The following PREP variants were observed in gnomAD, a reference collection of about 807,000 sequenced individuals.
PREP encodes the protein dJ355L5.1 (prolyl endopeptidase).
PREP carries 29 observed loss-of-function variants against 87.6 expected under a neutral mutation model. That is an observed-to-expected ratio of 0.33 (90% confidence interval 0.25 to 0.45). The LOEUF (loss-of-function observed/expected upper bound fraction) is 0.45, where lower values mean the gene tolerates loss of function less well. Ranked by LOEUF, PREP falls within the 20% of genes least tolerant of loss-of-function variation. The probability of loss-of-function intolerance (pLI) is 1.00; values close to 1 mark genes in which losing one functional copy is unlikely to be tolerated. For missense variants in PREP, 695 were observed against 886.5 expected, an observed-to-expected ratio of 0.78 and a Z score of 2.74; for synonymous variants, 337 against 328.6, an observed-to-expected ratio of 1.03 and a Z score of -0.28.
chr6:105,292,294 C>G (rs1187348303), intron 10 of PREP, among the ~76,000 whole-genome samples: 1 of 152,140 alleles, frequency 6.6e-6, no homozygotes, highest in East Asian at 1.9e-4. Context: ...AATAATAAGA[C>G]TTGAAAGCCA....
intron 6 of PREP, among the ~76,000 whole-genome samples, chr6:105,364,371 CA>C (rs1772329379): frequency 6.6e-6 from 1 of 152,130 alleles, no homozygotes; most frequent in Non-Finnish European, 1.5e-5. Flanking sequence ...CTGATCAAGG[CA>C]AGACAGACCT....
In PREP at chr6:105,402,951, T is replaced by G; in HGVS notation, c.-60A>C. 9.8e-7 allele frequency: 1 copy of G among 1,024,464 alleles called. No individual in the cohort carries two copies. Among genetic ancestry groups the G allele is most frequent in the East Asian group, 3.4e-5 (1 of 29,822 alleles). The allele number at this position is 1,024,464 out of a possible 1,614,324, so 63.5% of individuals were successfully genotyped here. A position where few individuals can be genotyped will look rare whatever the true frequency, so the allele number is the denominator to read the frequency against. On this transcript the variant is annotated 5_prime_UTR_variant, in exon 1 of 15. Coordinates refer to ENST00000652536, the MANE Select transcript of PREP (RefSeq NM_002726.5). ...GCGGGCTCCGGGAGCGGACCTGAGC[T>G]AGCCGGGCTGGCCGCGAGGCGCGGC...
intron 7 of PREP, among the ~76,000 whole-genome samples, chr6:105,342,102 T>C (rs1771670877): frequency 6.6e-6 from 1 of 152,208 alleles, no homozygotes; most frequent in East Asian, 1.9e-4. Context: ...TTTAGACCAA[T>C]ATCCCTGATG....
rs1057000326 is a variant in PREP at position 105,275,062 on chromosome 6, A to G, written c.*3082T>C. The stretch of plus-strand genomic sequence containing the variant: ...AGATATGGAGGATGAGAATGGCTCA[A>G]TGTTCCTCCTTCAAGGGCCTCAGTC... On this transcript the variant is annotated 3_prime_UTR_variant, in exon 15 of 15. Transcript: ENST00000652536. 6.6e-6 allele frequency among the ~76,000 whole-genome samples: 1 copy of G among 152,128 alleles called. No individual in the cohort carries two copies. The highest frequency in any genetic ancestry group is 2.1e-4 in the South Asian group (1 of 4,814).
At chr6:105,299,772 G>A (rs760636141) in intron 10 of PREP, among the ~76,000 whole-genome samples, 2 of 152,184 alleles carry the variant, frequency 1.3e-5, no homozygotes, top group Non-Finnish European at 2.9e-5. Context: ...TGTTGAAAGT[G>A]TTAGAGCCTT....
At chr6:105,367,615 T>G (rs1047949493) in intron 6 of PREP, among the ~76,000 whole-genome samples, 85 of 143,700 alleles carry the variant, frequency 5.9e-4, no homozygotes, top group African/African-American at 2.1e-3. Context: ...GAGCTTGCAG[T>G]GAGCCGAGAT....
At chr6:105,359,029 T>C (rs1335526597) in intron 6 of PREP, among the ~76,000 whole-genome samples, 2 of 152,096 alleles carry the variant, frequency 1.3e-5, no homozygotes, top group African/African-American at 4.8e-5. Context: ...CAACTTCCTG[T>C]CCCCAGCCAA....
chr6:105,283,529 T>A (rs1770125152), intron 12 of PREP, among the ~76,000 whole-genome samples: 1 of 152,208 alleles, frequency 6.6e-6, no homozygotes, highest in Non-Finnish European at 1.5e-5. Context: ...ACAAATGTTA[T>A]TAAGATTTCA....
At chr6:105,356,528 T>C (rs76487472) in intron 6 of PREP, among the ~76,000 whole-genome samples, 10,927 of 152,272 alleles carry the variant, frequency 0.072, 425 homozygotes, top group South Asian at 0.15. Flanking sequence ...TTCCCTCCTT[T>C]TGTTATTCTG....
intron 8 of PREP, among the ~76,000 whole-genome samples, chr6:105,333,103 A>C (rs1440212371): frequency 1.3e-5 from 2 of 152,242 alleles, no homozygotes; most frequent in Non-Finnish European, 2.9e-5. Flanking sequence ...ATTTTTATGA[A>C]GACCTTGCAT....
At chr6:105,363,734 A>G (rs973245441) in intron 6 of PREP, among the ~76,000 whole-genome samples, 5 of 152,186 alleles carry the variant, frequency 3.3e-5, no homozygotes, top group Admixed American at 6.5e-5. Flanking sequence ...CCAGGAAGAC[A>G]GCTGGCCTTG....
At chr6:105,280,213 G>C (rs1254630482) in intron 14 of PREP, among the ~76,000 whole-genome samples, 2 of 152,170 alleles carry the variant, frequency 1.3e-5, no homozygotes, top group Non-Finnish European at 2.9e-5. Context: ...TGAGAACTGA[G>C]AACTGCTTGT....
chr6:105,389,403 T>C (rs1773082936), intron 2 of PREP, among the ~76,000 whole-genome samples: 1 of 152,150 alleles, frequency 6.6e-6, no homozygotes, highest in African/African-American at 2.4e-5. Context: ...CAGCAAATAC[T>C]TCATTCCTCC....
chr6:105,275,886 C>T lies in PREP; in HGVS notation c.*2258G>A, dbSNP rs1769921728. Among the ~76,000 whole-genome samples the T allele has an allele frequency of 6.6e-6, 1 of 152,056 alleles. No homozygotes were observed. The highest frequency in any genetic ancestry group is 1.5e-5 in the Non-Finnish European group (1 of 68,018). On this transcript the variant is annotated 3_prime_UTR_variant, in exon 15 of 15. Coordinates refer to ENST00000652536, the MANE Select transcript of PREP (RefSeq NM_002726.5). Reference sequence around the variant, plus strand: ...CTCATGTGGGAGCTAAAAAAGCAGGCAGAGAAAGGGAGGATGAAGAGATTA... The same window carrying T: ...CTCATGTGGGAGCTAAAAAAGCAGGTAGAGAAAGGGAGGATGAAGAGATTA...
At chr6:105,380,742 T>C (rs1772814579) in intron 2 of PREP, among the ~76,000 whole-genome samples, 1 of 149,886 alleles carries the variant, frequency 6.7e-6, no homozygotes, top group African/African-American at 2.5e-5. Flanking sequence ...GCTGAGGGTC[T>C]TGGCTGGCTC....
chr6:105,389,294 A>G (rs1773080608), intron 2 of PREP, among the ~76,000 whole-genome samples: 1 of 152,206 alleles, frequency 6.6e-6, no homozygotes, highest in Admixed American at 6.5e-5. Flanking sequence ...TTATAGATGA[A>G]GAAAATGAAT....
intron 14 of PREP, among the ~76,000 whole-genome samples, chr6:105,279,372 T>TC (rs1770021563): frequency 6.6e-6 from 1 of 152,196 alleles, no homozygotes; most frequent in South Asian, 2.1e-4. Flanking sequence ...TTTTCTGATC[T>TC]CATTTAAGAG....
intron 14 of PREP, among the ~76,000 whole-genome samples, chr6:105,279,905 T>C (rs1446852169): frequency 6.6e-6 from 1 of 152,252 alleles, no homozygotes; most frequent in African/African-American, 2.4e-5. Context: ...CTTGTTTCCT[T>C]ACGTGCAAAT....
chr6:105,310,224 A>G (rs1339073342), intron 10 of PREP, among the ~76,000 whole-genome samples: 1 of 152,222 alleles, frequency 6.6e-6, no homozygotes, highest in Non-Finnish European at 1.5e-5. Context: ...AAAAATTTAA[A>G]TATTTTTAAT....
Sources: allele counts gnomAD v4.1 joint callset (sites outside exome capture counted in the v4.1 genomes callset), GRCh38; gene constraint gnomAD v4.1.1; transcripts MANE v1.5; gene names NCBI Gene and HGNC (gene_info 2026-07-23, HGNC 2026-07-21).